Variants in FAU observed in about 807,000 individuals in gnomAD.
FAU encodes FAU ubiquitin like and ribosomal protein S30 fusion, also known as ubiquitin-like FUBI-ribosomal protein eS30 fusion protein.
For synonymous variants in FAU, 70 were observed against 69.9 expected (o/e 1.00, Z -0.01); for missense variants, 125 against 173.9 (o/e 0.72, Z 1.58).
chr11:65,120,900 C>A (rs1948040791), intron 4 of FAU, 81 bp downstream of exon 4: 2 of 1,609,422 alleles, frequency 1.2e-6, no homozygotes, highest in Non-Finnish European at 1.7e-6. Context: ...AGAAGGCAAA[C>A]CGAGTAAGAG....
intron 1 of FAU, 37 bp from the exon 2 acceptor site, chr11:65,121,858 G>T: frequency 6.3e-7 from 1 of 1,596,118 alleles, no homozygotes; most frequent in Non-Finnish European, 8.6e-7. Context: ...GAGAAGCCAA[G>T]AAATGCTCTG....
At chr11:65,121,698 G>C in intron 2 of FAU, 41 bp downstream of exon 2, 1 of 1,613,902 alleles carries the variant, frequency 6.2e-7, no homozygotes, top group Non-Finnish European at 8.5e-7. Flanking sequence ...AGAGTGAAGA[G>C]CACAAGAAAA....
At chr11:65,121,671 C>T (rs749881536) in intron 2 of FAU, 27 bp from the exon 3 acceptor site, 13 of 1,613,624 alleles carry the variant, frequency 8.1e-6, no homozygotes, top group Non-Finnish European at 8.5e-7. Flanking sequence ...GGCTCGTAAG[C>T]GTTCCCTCGG....
Position 65,120,682 on chromosome 11 carries a change from TA to T in FAU, c.400del (p.Ter134LysfsTer15). ...GAGAAAGCCAGAATTACAAAAGACT[TA>T]AGAGTTGGCATTGGGGCCCTTCTTC... ...GKKKGPNANS* is the reference protein window; with the variant it reads ...GKKKGPNANSX On this transcript the variant is annotated frameshift_variant and stop_lost, in exon 5 of 5. Coordinates refer to ENST00000529639, the MANE Select transcript of FAU (RefSeq NM_001997.5). LOFTEE classifies it high-confidence loss of function. The T allele has an allele frequency of 6.2e-7, 1 of 1,614,072 alleles. No individual in the cohort carries two copies. The highest frequency in any genetic ancestry group is 8.5e-7 in the Non-Finnish European group (1 of 1,179,994).
intron 3 of FAU, 25 bp from the exon 4 acceptor site, chr11:65,121,061 G>C (rs772196437): frequency 1.9e-5 from 31 of 1,613,426 alleles, no homozygotes; most frequent in Admixed American, 3.3e-5. Flanking sequence ...GAAGGCACCA[G>C]CAGGTAAGAG....
chr11:65,122,081 C>A lies in FAU; in HGVS notation c.-9+9G>T. On this transcript the variant is annotated intron_variant, in intron 1 of 4. Transcript: ENST00000529639. ...AGCCCTTCGGATCCAGCCAAGGCCC[C>A]ATTCTTACCTGAACGGCGGTCCCAG... is the stretch of plus-strand genomic sequence containing the variant. 3.3e-6 allele frequency: 2 copies of A among 600,044 alleles called. No individual in the cohort carries two copies. The highest frequency in any genetic ancestry group is 4.0e-5 in the South Asian group (2 of 50,554). 37.2% of individuals were successfully genotyped at this position (600,044 alleles called of 1,614,324 possible). A position where few individuals can be genotyped will look rare whatever the true frequency, so the allele number is the denominator to read the frequency against.
At chr11:65,121,885 G>T (rs1948052600) in intron 1 of FAU, 64 bp from the exon 2 acceptor site, 1 of 1,546,590 alleles carries the variant, frequency 6.5e-7, no homozygotes, top group African/African-American at 1.4e-5. Context: ...AGGAGATTTG[G>T]GAGTGGAAAG....
chr11:65,120,881 C>T (rs1948040705), intron 4 of FAU, 75 bp from the exon 5 acceptor site: 1 of 1,609,174 alleles, frequency 6.2e-7, no homozygotes, highest in Non-Finnish European at 8.5e-7. Context: ...GGCTCATCTC[C>T]AGGGAGGGAG....
At chr11:65,121,382 C>T in intron 3 of FAU, 118 bp downstream of exon 3, 1 of 1,348,554 alleles carries the variant, frequency 7.4e-7, no homozygotes, top group Non-Finnish European at 1.0e-6. Context: ...TCACTCTGAA[C>T]TGAAGACAGT....
intron 1 of FAU, 41 bp from the exon 2 acceptor site, chr11:65,121,862 T>G: frequency 6.3e-7 from 1 of 1,595,776 alleles, no homozygotes; most frequent in Non-Finnish European, 8.6e-7. Flanking sequence ...AGCCAAGAAA[T>G]GCTCTGGGAT....
In FAU at chr11:65,120,634, T is replaced by C. The variant is rs948033023; in HGVS notation, c.*47A>G. The C allele has an allele frequency of 4.3e-6, 7 of 1,609,578 alleles. No individual in the cohort carries two copies. In the African/African-American group the frequency reaches 5.4e-5, roughly 12 times the overall value. Reference sequence around the variant, plus strand: ...AGTAAAGATGAAACAATGCGATGACTGAACTAAGTGGCTTTTTTATTAGAG... The same window carrying C: ...AGTAAAGATGAAACAATGCGATGACCGAACTAAGTGGCTTTTTTATTAGAG... On this transcript the variant is annotated 3_prime_UTR_variant, in exon 5 of 5. Coordinates refer to ENST00000529639, the MANE Select transcript of FAU (RefSeq NM_001997.5).
At chr11:65,121,430 G>C in intron 3 of FAU, 70 bp downstream of exon 3, 2 of 1,554,984 alleles carry the variant, frequency 1.3e-6, no homozygotes, top group South Asian at 1.2e-5. Context: ...ACACTCAGCT[G>C]TCAGGACTAT....
At chr11:65,122,067 T>G in intron 1 of FAU, 23 bp downstream of exon 1, 2 of 602,276 alleles carry the variant, frequency 3.3e-6, no homozygotes, top group East Asian at 5.6e-5. Flanking sequence ...GCCCTTCGGA[T>G]CCAGCCAAGG....
rs935235945 is a variant in FAU, at chr11:65,122,072, C to T, written c.-9+18G>A. Reference sequence around the variant, plus strand: ...CCTGCTACAAGCCCTTCGGATCCAGCCAAGGCCCCATTCTTACCTGAACGG... The same window carrying T: ...CCTGCTACAAGCCCTTCGGATCCAGTCAAGGCCCCATTCTTACCTGAACGG... On this transcript the variant is annotated intron_variant, in intron 1 of 4. Transcript: ENST00000529639. The T allele has an allele frequency of 6.6e-6, 4 of 601,918 alleles. No individual in the cohort carries two copies. Among genetic ancestry groups the T allele is most frequent in the African/African-American group, 5.6e-5 (3 of 53,886 alleles). 37.3% of individuals were successfully genotyped at this position (601,918 alleles called of 1,614,324 possible). A position where few individuals can be genotyped will look rare whatever the true frequency, so the allele number is the denominator to read the frequency against.
At chr11:65,121,886 G>T in intron 1 of FAU, 65 bp from the exon 2 acceptor site, 7 of 1,546,188 alleles carry the variant, frequency 4.5e-6, no homozygotes, top group Non-Finnish European at 6.2e-6. Flanking sequence ...GGAGATTTGG[G>T]AGTGGAAAGC....
rs1256953138 is a variant in FAU at position 65,121,556 on chromosome 11, C to T, written c.164G>A (p.Gly55Asp). The change falls in exon 3 of 5, where the codon GGC (glycine) becomes GAC (aspartate). Residue 55 changes from glycine to aspartate, a missense_variant. Physicochemically the swap from Gly to Asp is moderately conservative, Grantham distance 94. Coordinates refer to ENST00000529639, the MANE Select transcript of FAU (RefSeq NM_001997.5). ...GAPLEDEATL[G>D]QCGVEALTTL... The stretch of plus-strand genomic sequence containing the variant: ...AGTCAGGGCCTCCACCCCGCACTGG[C>T]CCAGAGTGGCCTCATCCTCCAGGGG... The T allele has an allele frequency of 1.9e-6, 3 of 1,613,922 alleles. No homozygotes were observed. The highest frequency in any genetic ancestry group is 2.5e-6 in the Non-Finnish European group (3 of 1,180,028).
At position 65,121,816 on chromosome 11, in the gene FAU, T is replaced by C; in HGVS notation, c.-3A>G. 1.9e-6 allele frequency: 3 copies of C among 1,614,014 alleles called. No individual in the cohort carries two copies. Among genetic ancestry groups the C allele is most frequent in the Non-Finnish European group, 2.5e-6 (3 of 1,180,000 alleles). On this transcript the variant is annotated 5_prime_UTR_variant, in exon 2 of 5. Transcript: ENST00000529639. ...TGGGCGCGGACAAAGAGCTGCATAT[T>C]GGCGACTGAGTAAAGAAAAGACGGC... is the stretch of plus-strand genomic sequence containing the variant.
At chr11:65,121,970 C>T in intron 1 of FAU, 120 bp downstream of exon 1, 1 of 753,674 alleles carries the variant, frequency 1.3e-6, no homozygotes, top group Non-Finnish European at 2.2e-6. Flanking sequence ...CCAAGGAGTT[C>T]GGATAGGGAC....
At position 65,121,605 on chromosome 11, in the gene FAU, G is replaced by C. The variant is rs1948048616; in HGVS notation, c.115C>G (p.Gln39Glu). ...GGCGCGCCTGCCAGGAGCACGACTT[G>C]ATCTTCCGGGGCAATGCCCTCCAGT... ...ASLEGIAPEDQVVLLAGAPLE... is the reference protein window; with the variant it reads ...ASLEGIAPEDEVVLLAGAPLE... Residue 39 changes from glutamine to glutamate, a missense_variant, in exon 3 of 5, where the codon CAA becomes GAA. By Grantham distance (29) the Gln-to-Glu change is conservative (BLOSUM62 2). Coordinates refer to ENST00000529639, the MANE Select transcript of FAU (RefSeq NM_001997.5). 2 of 1,614,028 alleles carry C rather than the reference G, an allele frequency of 1.2e-6. No individual in the cohort carries two copies. Among genetic ancestry groups the C allele is most frequent in the East Asian group, 4.5e-5 (2 of 44,884 alleles).
Sources: allele counts gnomAD v4.1 joint callset, GRCh38; gene constraint gnomAD v4.1.1; transcripts MANE v1.5; gene names NCBI Gene and HGNC (gene_info 2026-07-23, HGNC 2026-07-21).